The following EYS variants were observed in gnomAD, a reference collection of about 807,000 sequenced individuals.
The protein encoded by EYS is protein eyes shut homolog.
In EYS, 250 loss-of-function variants were observed where a neutral mutation model predicts 282.1. The observed-to-expected ratio is 0.89, with a 90% CI of 0.80 to 0.98. The LOEUF (loss-of-function observed/expected upper bound fraction) is 0.98. Ranked by LOEUF, EYS falls within the 50% of genes least tolerant of loss-of-function variation. The pLI, the probability that EYS is intolerant of heterozygous loss-of-function variation, is 0.00. For missense variants in EYS, 4,016 were observed against 3,709.0 expected (o/e 1.08, Z -2.15); for synonymous variants, 1,355 against 1,282.9 (o/e 1.06, Z -1.20).
chr6:64,439,314 C>G lies in EYS; in HGVS notation c.5683G>C (p.Glu1895Gln). The change falls in exon 27 of 43, where the codon GAA (glutamate) becomes CAA (glutamine). Residue 1895 changes from glutamate to glutamine, a missense_variant. Transcript: ENST00000503581. ...CVRYYGDSYLEFQNVALNPQN... is the reference protein window; with the variant it reads ...CVRYYGDSYLQFQNVALNPQN... ...GGATTTAAAGCCACATTCTGAAATT[C>G]TAGATAAGAATCTCCATAATAACGA... 1 of 1,516,686 alleles carries G rather than the reference C, an allele frequency of 6.6e-7. No homozygotes were observed. Among genetic ancestry groups the G allele is most frequent in the Non-Finnish European group, 8.8e-7 (1 of 1,134,228 alleles). The allele number at this position is 1,516,686 out of a possible 1,614,324, so 94.0% of individuals were successfully genotyped here.
chr6:64,936,343 C>T (rs534574964), intron 15 of EYS, among the ~76,000 whole-genome samples: 1 of 151,556 alleles, frequency 6.6e-6, no homozygotes, highest in East Asian at 1.9e-4. Flanking sequence ...TAACATCATA[C>T]TTTATGGTGA....
intron 1 of EYS, among the ~76,000 whole-genome samples, chr6:65,652,893 T>C (rs1767703813): frequency 6.6e-6 from 1 of 151,988 alleles, no homozygotes; most frequent in Non-Finnish European, 1.5e-5. Context: ...TCATTTATTT[T>C]CCATAACAGG....
chr6:63,965,180 T>C (rs117073644), intron 35 of EYS, among the ~76,000 whole-genome samples: 2,612 of 152,294 alleles, frequency 0.017, 65 homozygotes, highest in African/African-American at 0.053. Flanking sequence ...TTTGTATTTA[T>C]CCTTTATAGG....
chr6:64,777,119 G>A (rs1406339232), intron 22 of EYS, among the ~76,000 whole-genome samples: 1 of 152,210 alleles, frequency 6.6e-6, no homozygotes, highest in Non-Finnish European at 1.5e-5. Flanking sequence ...AGAACAAGAT[G>A]GGGGGAACCC....
chr6:65,664,217 A>C (rs960342438), intron 1 of EYS, among the ~76,000 whole-genome samples: 5 of 152,116 alleles, frequency 3.3e-5, no homozygotes, highest in Non-Finnish European at 7.4e-5. Flanking sequence ...CAGAATAATA[A>C]TAGTGAAAGA....
intron 5 of EYS, among the ~76,000 whole-genome samples, chr6:65,431,908 CA>C (rs1767902949): frequency 6.6e-6 from 1 of 152,034 alleles, no homozygotes; most frequent in African/African-American, 2.4e-5. Context: ...AAATCTTTCA[CA>C]AGGCTTGTAT....
At chr6:65,429,723 A>G (rs1767804733) in intron 5 of EYS, among the ~76,000 whole-genome samples, 1 of 152,044 alleles carries the variant, frequency 6.6e-6, no homozygotes, top group Non-Finnish European at 1.5e-5. Flanking sequence ...AGAAACATTG[A>G]GAATGATTTT....
chr6:64,850,324 A>G (rs568486974), intron 19 of EYS, among the ~76,000 whole-genome samples: 26 of 152,188 alleles, frequency 1.7e-4, no homozygotes, highest in African/African-American at 5.8e-4. Context: ...TCTCTCATCC[A>G]TGTTTATTCA....
At chr6:64,165,945 C>A (rs989078909) in intron 31 of EYS, among the ~76,000 whole-genome samples, 5 of 152,200 alleles carry the variant, frequency 3.3e-5, no homozygotes, top group Non-Finnish European at 7.3e-5. Flanking sequence ...AATGGAATTT[C>A]TATCAACTAA....
At chr6:65,080,147 T>C (rs986651812) in intron 12 of EYS, among the ~76,000 whole-genome samples, 1 of 151,980 alleles carries the variant, frequency 6.6e-6, no homozygotes, top group Non-Finnish European at 1.5e-5. Context: ...CCAAGAGAGC[T>C]GAGAAAACAT....
intron 2 of EYS, among the ~76,000 whole-genome samples, chr6:65,610,081 T>A (rs34538583): frequency 9.2e-5 from 14 of 152,010 alleles, no homozygotes; most frequent in Non-Finnish European, 1.8e-4. Flanking sequence ...TCATTTTTTT[T>A]ATTTTTTGTA....
intron 26 of EYS, 122 bp downstream of exon 26, chr6:64,590,101 G>A (rs1766355993): frequency 2.5e-6 from 2 of 800,684 alleles, no homozygotes. Flanking sequence ...CAATTGAACT[G>A]GCTGCTGCCC....
intron 12 of EYS, among the ~76,000 whole-genome samples, chr6:65,275,430 G>A (rs1768019537): frequency 6.6e-6 from 1 of 152,220 alleles, no homozygotes; most frequent in African/African-American, 2.4e-5. Flanking sequence ...TATGTGATTG[G>A]GCTTGAGAAG....
chr6:65,460,218 A>G (rs1764779914), intron 5 of EYS, among the ~76,000 whole-genome samples: 1 of 150,948 alleles, frequency 6.6e-6, no homozygotes, highest in Non-Finnish European at 1.5e-5. Flanking sequence ...CTCCCTAGAG[A>G]TAATCACATC....
At chr6:64,897,473 T>C (rs1211813709) in intron 18 of EYS, among the ~76,000 whole-genome samples, 1 of 151,924 alleles carries the variant, frequency 6.6e-6, no homozygotes, top group Non-Finnish European at 1.5e-5. Context: ...AGACCAAAGG[T>C]AGACAAATCC....
intron 26 of EYS, among the ~76,000 whole-genome samples, chr6:64,472,448 G>A (rs1776148706): frequency 6.6e-6 from 1 of 152,002 alleles, no homozygotes; most frequent in African/African-American, 2.4e-5. Flanking sequence ...ATAGATTTGG[G>A]GTGTTTATAA....
intron 28 of EYS, among the ~76,000 whole-genome samples, chr6:64,428,581 T>C (rs1416957469): frequency 6.6e-6 from 1 of 152,178 alleles, no homozygotes; most frequent in East Asian, 1.9e-4. Context: ...TGTTGAAGCC[T>C]ATACTATGAT....
intron 8 of EYS, among the ~76,000 whole-genome samples, chr6:65,369,586 C>G (rs1329231098): frequency 6.6e-6 from 1 of 150,936 alleles, no homozygotes; most frequent in Non-Finnish European, 1.5e-5. Flanking sequence ...TTGATCTTTC[C>G]TTTTTTCTTA....
At chr6:65,035,302 C>T (rs975772462) in intron 13 of EYS, among the ~76,000 whole-genome samples, 2 of 152,060 alleles carry the variant, frequency 1.3e-5, no homozygotes, top group South Asian at 2.1e-4. Flanking sequence ...GACAAGGATA[C>T]CTACACTAAC....
Sources: allele counts gnomAD v4.1 joint callset (sites outside exome capture counted in the v4.1 genomes callset), GRCh38; gene constraint gnomAD v4.1.1; transcripts MANE v1.5; gene names NCBI Gene and HGNC (gene_info 2026-07-23, HGNC 2026-07-21).